Variants in CDKN2B-AS1 observed in about 807,000 individuals in gnomAD.
CDKN2B-AS1 encodes the protein CDKN2B and CDKN2A antisense cis and trans regulatory RNA 1.
rs1473190753 is a variant in CDKN2B-AS1 at position 21,996,632 on chromosome 9, G to T, written n.29+1471G>T. On this transcript the variant is annotated intron_variant and non_coding_transcript_variant, in intron 1 of 4. Transcript: ENST00000650946. This position sits in a 1 kb window ranked among gnomAD's most constrained non-coding sequence, Gnocchi z 5.4. ...TCTATGGGAACCAGATCCTTTTATGGGTCTTCCTCTGCACCTATGCCACGC... is the reference window on the plus strand; with the variant it reads ...TCTATGGGAACCAGATCCTTTTATGTGTCTTCCTCTGCACCTATGCCACGC... Among the ~76,000 whole-genome samples the T allele has an allele frequency of 6.7e-6, 1 of 148,602 alleles. No individual in the cohort carries two copies. The highest frequency in any genetic ancestry group is 2.5e-5 in the African/African-American group (1 of 39,334).
At chr9:22,071,390 G>A (rs919085859) in intron 4 of CDKN2B-AS1, among the ~76,000 whole-genome samples, 4 of 140,264 alleles carry the variant, frequency 2.9e-5, no homozygotes, top group Non-Finnish European at 6.1e-5. Context: ...AATTTTTAAA[G>A]CATCTACATG....
intron 3 of CDKN2B-AS1, among the ~76,000 whole-genome samples, chr9:22,055,817 A>C (rs947467175): frequency 1.3e-5 from 2 of 152,144 alleles, no homozygotes; most frequent in Non-Finnish European, 2.9e-5. Flanking sequence ...GACCTACTGC[A>C]TACCAGACAC....
chr9:22,035,094 C>A (rs1822634786), intron 1 of CDKN2B-AS1, among the ~76,000 whole-genome samples: 1 of 151,858 alleles, frequency 6.6e-6, no homozygotes, highest in Non-Finnish European at 1.5e-5. Flanking sequence ...TAATAGATGC[C>A]TAATAAATGG....
rs1820843902 is a variant in CDKN2B-AS1 at position 21,999,794 on chromosome 9, A to G, written n.29+4633A>G. ...ATAAAACTGTGCATCCATAAACAAT[A>G]ATGAAGCACATCTATATGCACTGAC... On this transcript the variant is annotated intron_variant and non_coding_transcript_variant, in intron 1 of 4. Transcript: ENST00000650946. The surrounding 1 kb of genome is among the most constrained non-coding windows in gnomAD (Gnocchi z 4.7). Among the ~76,000 whole-genome samples, 1 of 152,190 alleles carries G rather than the reference A, an allele frequency of 6.6e-6. No homozygotes were observed. Among genetic ancestry groups the G allele is most frequent in the African/African-American group, 2.4e-5 (1 of 41,452 alleles).
At chr9:22,112,251 C>G (rs554075644) in intron 4 of CDKN2B-AS1, 2 of 152,190 alleles carry the variant, frequency 1.3e-5, no homozygotes, top group African/African-American at 4.8e-5. Context: ...TAAACCACTG[C>G]GAGGGATCTC....
At position 22,121,430 on chromosome 9, in the gene CDKN2B-AS1, T is replaced by C. The variant is rs577605469; in HGVS notation, n.439-5673T>C. On this transcript the variant is annotated intron_variant and non_coding_transcript_variant, in intron 4 of 4. Coordinates refer to ENST00000650946, the Ensembl canonical transcript of CDKN2B-AS1. ...GTGGCGCTTTGATATATATAATGTATAGTGATCAGATCAGGGTAATTCGCA... is the reference window on the plus strand; with the variant it reads ...GTGGCGCTTTGATATATATAATGTACAGTGATCAGATCAGGGTAATTCGCA... Among the ~76,000 whole-genome samples, 9 of 152,202 alleles carry C rather than the reference T, an allele frequency of 5.9e-5. No homozygotes were observed. The East Asian group carries it at 1.7e-3, about 29-fold the overall frequency.
chr9:22,122,868 TG>T (rs1476453359), intron 4 of CDKN2B-AS1, among the ~76,000 whole-genome samples: 1 of 152,188 alleles, frequency 6.6e-6, no homozygotes, highest in Non-Finnish European at 1.5e-5. Flanking sequence ...AGGATTGCTT[TG>T]GCTGTTTGGG....
At chr9:22,010,284 A>G (rs1821432426) in intron 1 of CDKN2B-AS1, among the ~76,000 whole-genome samples, 1 of 152,172 alleles carries the variant, frequency 6.6e-6, no homozygotes, top group South Asian at 2.1e-4. Flanking sequence ...ATCAACATTT[A>G]TTACTTAAAA....
intron 4 of CDKN2B-AS1, among the ~76,000 whole-genome samples, chr9:22,090,032 T>G (rs201251621): frequency 2.8e-5 from 4 of 141,946 alleles, no homozygotes; most frequent in African/African-American, 7.9e-5. Context: ...CTGTGTCCAT[T>G]TGTTCTCATT....
rs1395964265 is a variant in CDKN2B-AS1, at chr9:22,044,999, TGAG to T, written n.30-1748_30-1746del. ...ATACTTATTTTGTAACTTTTTTCTTTGAGGAGAAGTATTTTTCTTTTGGAAAAA... is the reference window on the plus strand; with the variant it reads ...ATACTTATTTTGTAACTTTTTTCTTTGAGAAGTATTTTTCTTTTGGAAAAA... On this transcript the variant is annotated intron_variant and non_coding_transcript_variant, in intron 1 of 4. Coordinates refer to ENST00000650946, the Ensembl canonical transcript of CDKN2B-AS1. 1.5e-4 allele frequency among the ~76,000 whole-genome samples: 23 copies of T among 150,904 alleles called. No homozygotes were observed. The East Asian group carries it at 2.5e-3, about 17-fold the overall frequency.
At chr9:22,029,305 T>C (rs1267857927) in intron 1 of CDKN2B-AS1, 1 of 652,018 alleles carries the variant, frequency 1.5e-6, no homozygotes, top group Non-Finnish European at 2.8e-6. Context: ...ACCGTCTTTA[T>C]CAAATAGGAG....
At position 22,007,691 on chromosome 9, in the gene CDKN2B-AS1, TTA is replaced by T. The variant is rs1821261557; in HGVS notation, n.29+12534_29+12535del. Among the ~76,000 whole-genome samples, 5 of 152,276 alleles carry T rather than the reference TTA, an allele frequency of 3.3e-5. No individual in the cohort carries two copies. In the South Asian group the frequency reaches 1.0e-3, roughly 32 times the overall value. On this transcript the variant is annotated intron_variant and non_coding_transcript_variant, in intron 1 of 4. Coordinates refer to ENST00000650946, the Ensembl canonical transcript of CDKN2B-AS1. ...TTCATCTCTTAAAAACCGTGATAAG[TTA>T]TATCTACTAGTGATGTAAGGATATT...
chr9:22,030,640 G>A (rs1197547323), intron 1 of CDKN2B-AS1: 1 of 152,200 alleles, frequency 6.6e-6, no homozygotes, highest in South Asian at 2.1e-4. Context: ...AGACCTGAAT[G>A]TAAATTCAGG....
intron 4 of CDKN2B-AS1, among the ~76,000 whole-genome samples, chr9:22,103,920 A>C (rs1381375313): frequency 6.6e-6 from 1 of 152,238 alleles, no homozygotes; most frequent in Non-Finnish European, 1.5e-5. Context: ...CTCAGCCAGC[A>C]TATCTGTAGC....
At chr9:22,121,165 A>T (rs1489760191) in intron 4 of CDKN2B-AS1, 2 of 152,150 alleles carry the variant, frequency 1.3e-5, no homozygotes, top group Non-Finnish European at 2.9e-5. Context: ...TTTAAAGATC[A>T]AAACAATGCA....
At chr9:22,062,972 G>C (rs1196448474) in intron 4 of CDKN2B-AS1, among the ~76,000 whole-genome samples, 1 of 47,574 alleles carries the variant, frequency 2.1e-5, no homozygotes, top group Non-Finnish European at 3.1e-5. Context: ...GTGTGTGAAA[G>C]ACAGACACAC....
At chr9:22,052,806 C>A (rs1823407572) in intron 3 of CDKN2B-AS1, among the ~76,000 whole-genome samples, 1 of 152,222 alleles carries the variant, frequency 6.6e-6, no homozygotes, top group South Asian at 2.1e-4. Flanking sequence ...AGTGACTAAT[C>A]TTTTGGGGGG....
chr9:22,085,948 T>G (rs1824856180), intron 4 of CDKN2B-AS1, among the ~76,000 whole-genome samples: 1 of 151,874 alleles, frequency 6.6e-6, no homozygotes, highest in Non-Finnish European at 1.5e-5. Context: ...GATTTTGTCC[T>G]TAAGTATTTG....
At chr9:22,069,459 G>C (rs1027334319) in intron 4 of CDKN2B-AS1, among the ~76,000 whole-genome samples, 11 of 152,086 alleles carry the variant, frequency 7.2e-5, no homozygotes, top group Admixed American at 5.9e-4. Context: ...CTAGGAAAAT[G>C]ATTCACTGAG....
Sources: allele counts gnomAD v4.1 joint callset (sites outside exome capture counted in the v4.1 genomes callset), GRCh38; gene constraint gnomAD v4.1.1; non-coding constraint Gnocchi (gnomAD v3.1); transcripts MANE v1.5; gene names NCBI Gene and HGNC (gene_info 2026-07-23, HGNC 2026-07-21).